Variants in NKAIN3 observed in about 807,000 individuals in gnomAD.
NKAIN3 encodes sodium/potassium transporting ATPase interacting 3.
Under a neutral mutation model 30.2 loss-of-function variants are expected in NKAIN3, and 25 were observed. That is an observed-to-expected ratio of 0.83 (90% CI 0.60 to 1.16). The LOEUF (loss-of-function observed/expected upper bound fraction) is 1.16, where lower values mean the gene tolerates loss of function less well. NKAIN3 is among the 50% of genes most tolerant of loss of function. The pLI is 0.00. For missense variants in NKAIN3, 225 were observed against 254.1 expected (o/e 0.89, Z 0.78); for synonymous variants, 91 against 89.6 (o/e 1.02, Z -0.09).
At chr8:62,381,382 A>G (rs1219287731) in intron 1 of NKAIN3, among the ~76,000 whole-genome samples, 2 of 152,184 alleles carry the variant, frequency 1.3e-5, no homozygotes, top group Non-Finnish European at 2.9e-5. Flanking sequence ...TTATGCATTT[A>G]AATCTTCTTT....
At chr8:62,718,981 T>C (rs560705777) in intron 3 of NKAIN3, among the ~76,000 whole-genome samples, 1 of 152,330 alleles carries the variant, frequency 6.6e-6, no homozygotes, top group East Asian at 1.9e-4. Flanking sequence ...ATGCTAGCTC[T>C]TGAGAGATGT....
chr8:62,764,988 T>A (rs1816785708), intron 4 of NKAIN3, among the ~76,000 whole-genome samples: 1 of 152,122 alleles, frequency 6.6e-6, no homozygotes, highest in South Asian at 2.1e-4. Context: ...CTCACGCCTG[T>A]AGTCCCAGTG....
intron 3 of NKAIN3, among the ~76,000 whole-genome samples, chr8:62,631,449 A>T (rs1159939642): frequency 6.6e-6 from 1 of 152,066 alleles, no homozygotes; most frequent in Non-Finnish European, 1.5e-5. Flanking sequence ...CAATGTCCTG[A>T]TGTCAGAATA....
intron 3 of NKAIN3, among the ~76,000 whole-genome samples, chr8:62,644,429 A>G (rs1420437975): frequency 1.6e-5 from 2 of 127,698 alleles, no homozygotes; most frequent in African/African-American, 3.4e-5. Flanking sequence ...AAGAAGGCTA[A>G]TAGTGTTTTT....
chr8:62,614,202 T>C lies in NKAIN3; in HGVS notation c.273+24408T>C, dbSNP rs565910150. Among the ~76,000 whole-genome samples, 31 of 152,298 alleles carry C rather than the reference T, an allele frequency of 2.0e-4. No individual in the cohort carries two copies. The South Asian group carries it at 6.0e-3, about 30-fold the overall frequency. ...GATATTTGAAAGGACTTGGGTATTG[T>C]GATCTGAGCTGATGGCATCACAAGC... On this transcript the variant is annotated intron_variant, in intron 3 of 6. Transcript: ENST00000623646.
chr8:62,335,933 T>G (rs955160123), intron 1 of NKAIN3, among the ~76,000 whole-genome samples: 1 of 152,082 alleles, frequency 6.6e-6, no homozygotes, highest in African/African-American at 2.4e-5. Context: ...AAAAGAAGCC[T>G]TCTTTCTAGT....
intron 3 of NKAIN3, among the ~76,000 whole-genome samples, chr8:62,718,531 A>T (rs950786666): frequency 3.9e-5 from 6 of 152,168 alleles, no homozygotes; most frequent in Non-Finnish European, 7.4e-5. Flanking sequence ...TTATCTGTGT[A>T]AGCACAGTAT....
chr8:62,835,166 T>TTA (rs374858874), intron 4 of NKAIN3, among the ~76,000 whole-genome samples: 16,733 of 150,816 alleles, frequency 0.11, 959 homozygotes, highest in African/African-American at 0.15. Flanking sequence ...ACATATACAA[T>TTA]ACTGAAAATG....
intron 5 of NKAIN3, among the ~76,000 whole-genome samples, chr8:62,936,774 T>C (rs189398653): frequency 4.6e-5 from 7 of 152,298 alleles, no homozygotes; most frequent in Admixed American, 3.9e-4. Context: ...TAATGTCATA[T>C]GTTTATTCTG....
At position 62,557,662 on chromosome 8, in the gene NKAIN3, T is replaced by A. The variant is rs139069658; in HGVS notation, c.55-21877T>A. Among the ~76,000 whole-genome samples the A allele has an allele frequency of 7.2e-4, 109 of 152,260 alleles. 1 individual carries two copies. In the Middle Eastern group the frequency reaches 0.02, roughly 29 times the overall value. ...TTTGCATTTCCCTGATCATTAGTGA[T>A]GTTGAGCAGTTTTCATATGTTTGTT... On this transcript the variant is annotated intron_variant, in intron 1 of 6. Coordinates refer to ENST00000623646, the MANE Select transcript of NKAIN3 (RefSeq NM_001304533.3).
At chr8:62,646,930 A>G (rs141603781) in intron 3 of NKAIN3, among the ~76,000 whole-genome samples, 2,450 of 152,230 alleles carry the variant, frequency 0.016, 30 homozygotes, top group Middle Eastern at 0.054. Context: ...TAAAAAGATG[A>G]CTTGTGCCCC....
chr8:62,412,703 T>G (rs1028640242), intron 1 of NKAIN3, among the ~76,000 whole-genome samples: 1 of 151,580 alleles, frequency 6.6e-6, no homozygotes, highest in African/African-American at 2.4e-5. Context: ...GAGACCAGCC[T>G]GGCCTCAAAC....
rs569236170 is a variant in NKAIN3, at chr8:62,843,581, C to T, written c.472-74872C>T. 6.6e-5 allele frequency among the ~76,000 whole-genome samples: 10 copies of T among 152,060 alleles called. No homozygotes were observed. The East Asian group carries it at 1.9e-3, about 30-fold the overall frequency. On this transcript the variant is annotated intron_variant, in intron 4 of 6. Coordinates refer to ENST00000623646, the MANE Select transcript of NKAIN3 (RefSeq NM_001304533.3). ...AACCCCTGACCTCAAGTGATCAGCC[C>T]ACCTCGGCCTCCCAAAGTGCTAGAA...
intron 6 of NKAIN3, among the ~76,000 whole-genome samples, chr8:62,959,433 G>GTTGTGTGT (rs1823506543): frequency 7.0e-6 from 1 of 143,154 alleles, no homozygotes; most frequent in Non-Finnish European, 1.5e-5. Flanking sequence ...GACAAATCAG[G>GTTGTGTGT]GTGTGTGTGT....
At chr8:62,931,118 T>C (rs550144471) in intron 5 of NKAIN3, among the ~76,000 whole-genome samples, 1 of 152,246 alleles carries the variant, frequency 6.6e-6, no homozygotes, top group Non-Finnish European at 1.5e-5. Context: ...ATTGTAATTA[T>C]CATTTTTGGA....
rs533148945 is a variant in NKAIN3, at chr8:62,270,176, C to A, written c.54+21049C>A. Among the ~76,000 whole-genome samples, 35 of 152,190 alleles carry A rather than the reference C, an allele frequency of 2.3e-4. No homozygotes were observed. In the South Asian group the frequency reaches 7.3e-3, roughly 32 times the overall value. ...CTCACTGCAGCCTCGAACTCCTGGG[C>A]TCAAGTGATCCTCCCACCTCAGTCT... On this transcript the variant is annotated intron_variant, in intron 1 of 6. Transcript: ENST00000623646.
chr8:62,396,248 G>A (rs925050305), intron 1 of NKAIN3, among the ~76,000 whole-genome samples: 1 of 152,084 alleles, frequency 6.6e-6, no homozygotes, highest in African/African-American at 2.4e-5. Context: ...TTCCACTATA[G>A]AAGCTTCCCT....
intron 6 of NKAIN3, among the ~76,000 whole-genome samples, chr8:62,954,655 C>T (rs1009894483): frequency 3.3e-5 from 5 of 152,154 alleles, no homozygotes; most frequent in Non-Finnish European, 5.9e-5. Context: ...GATAGGGTGA[C>T]TCCATTCCTA....
intron 4 of NKAIN3, among the ~76,000 whole-genome samples, chr8:62,831,060 G>A (rs1329288189): frequency 1.3e-5 from 2 of 152,038 alleles, no homozygotes; most frequent in African/African-American, 4.8e-5. Flanking sequence ...AGACCCACCT[G>A]CAGTTAACTC....
Sources: gnomAD v4.1 joint callset for allele counts (sites outside exome capture counted in the v4.1 genomes callset) on GRCh38, gnomAD v4.1.1 for gene constraint, MANE v1.5 for transcripts, NCBI Gene and HGNC (gene_info 2026-07-23, HGNC 2026-07-21) for gene names.